The following RAI14 variants were observed in gnomAD, a reference collection of about 807,000 sequenced individuals.
RAI14 encodes the protein retinoic acid induced 14, also known as ankycorbin.
Under a neutral mutation model 115.4 loss-of-function variants are expected in RAI14, and 45 were observed. That is an observed-to-expected ratio of 0.39 (90% confidence interval 0.31 to 0.50). The LOEUF is 0.50. RAI14 is among the 20% of genes least tolerant of loss of function. The pLI is 0.85. For missense variants in RAI14, 939 were observed against 1,131.2 expected (o/e 0.83, Z 2.44); for synonymous variants, 371 against 415.4 (o/e 0.89, Z 1.30).
At position 34,812,267 on chromosome 5, in the gene RAI14, G is replaced by A. The variant is rs1580341491; in HGVS notation, c.765+59G>A. 3.4e-6 allele frequency: 5 copies of A among 1,463,978 alleles called. No individual in the cohort carries two copies. In the East Asian group the frequency reaches 1.1e-4, roughly 33 times the overall value. 90.7% of individuals were successfully genotyped at this position (1,463,978 alleles called of 1,614,324 possible). A position where few individuals can be genotyped will look rare whatever the true frequency, so the allele number is the denominator to read the frequency against. ...TTTATGCTTGTGGGAATTTAAAAATGTTCAGATTTAACCACTCTGGTCCAC... is the reference window on the plus strand; with the variant it reads ...TTTATGCTTGTGGGAATTTAAAAATATTCAGATTTAACCACTCTGGTCCAC... On this transcript the variant is annotated intron_variant, in intron 10 of 17. Transcript: ENST00000265109.
chr5:34,788,431 C>T (rs1752565440), intron 3 of RAI14, among the ~76,000 whole-genome samples: 1 of 152,084 alleles, frequency 6.6e-6, no homozygotes, highest in African/African-American at 2.4e-5. Flanking sequence ...CAGTTGAAAC[C>T]ATTGGTTCTC....
intron 2 of RAI14, among the ~76,000 whole-genome samples, chr5:34,702,498 G>C (rs1034847193): frequency 1.3e-5 from 2 of 152,104 alleles, no homozygotes; most frequent in East Asian, 3.9e-4. Context: ...GCAAGTGAGC[G>C]GGGGAAGAAA....
At chr5:34,752,026 A>G (rs73074515) in intron 2 of RAI14, among the ~76,000 whole-genome samples, 1 of 152,158 alleles carries the variant, frequency 6.6e-6, no homozygotes, top group East Asian at 1.9e-4. Flanking sequence ...AGTCTGCTAG[A>G]TGGGGCTTGG....
intron 3 of RAI14, among the ~76,000 whole-genome samples, chr5:34,769,557 A>G (rs978205449): frequency 6.6e-6 from 1 of 152,182 alleles, no homozygotes; most frequent in African/African-American, 2.4e-5. Context: ...AATGAGTGCC[A>G]TAGAACACTT....
At chr5:34,825,573 C>T (rs1757350774) in intron 15 of RAI14, among the ~76,000 whole-genome samples, 2 of 152,114 alleles carry the variant, frequency 1.3e-5, no homozygotes, top group African/African-American at 2.4e-5. Context: ...CCGGTCCCTC[C>T]TTTGACAGGT....
rs762510642 is a variant in RAI14 at position 34,811,134 on chromosome 5, G to A, written c.557+16G>A. 6.2e-7 allele frequency: 1 copy of A among 1,612,372 alleles called. No individual in the cohort carries two copies. The highest frequency in any genetic ancestry group is 8.5e-7 in the Non-Finnish European group (1 of 1,178,918). ...AAAGTGGAAGGTACTCCAGAATTAG[G>A]CAGAAATCATGTGACTTCAGTGATA... On this transcript the variant is annotated intron_variant, in intron 8 of 17. Coordinates refer to ENST00000265109, the MANE Select transcript of RAI14 (RefSeq NM_015577.3).
At chr5:34,709,474 A>G (rs1387194693) in intron 2 of RAI14, among the ~76,000 whole-genome samples, 1 of 152,196 alleles carries the variant, frequency 6.6e-6, no homozygotes, top group Non-Finnish European at 1.5e-5. Flanking sequence ...ATCAGTTTTT[A>G]AAGTAAACTT....
At chr5:34,818,651 T>C (rs1756513240) in intron 12 of RAI14, 146 bp from the exon 13 acceptor site, 1 of 560,980 alleles carries the variant, frequency 1.8e-6, no homozygotes, top group Non-Finnish European at 3.1e-6. Flanking sequence ...TTAAAATATC[T>C]TCTTTCTTCG....
intron 12 of RAI14, 32 bp downstream of exon 12, chr5:34,814,701 G>A (rs185506205): frequency 1.3e-6 from 2 of 1,495,640 alleles, no homozygotes; most frequent in South Asian, 1.1e-5. Flanking sequence ...TTTTGTTACT[G>A]TATTTTAAGA....
In RAI14 at chr5:34,686,089, G is replaced by A. The variant is rs78154511; in HGVS notation, c.-48-783G>A. On this transcript the variant is annotated intron_variant, in intron 1 of 17. Coordinates refer to ENST00000265109, the MANE Select transcript of RAI14 (RefSeq NM_015577.3). Reference sequence around the variant, plus strand: ...TGAGAAAAATAAATAGGGAATGAGTGGCATCTGGAATATGAACTGTTTTCC... The same window carrying A: ...TGAGAAAAATAAATAGGGAATGAGTAGCATCTGGAATATGAACTGTTTTCC... Among the ~76,000 whole-genome samples the A allele has an allele frequency of 7.6e-3, 1,163 of 152,226 alleles. 22 individuals carry two copies. Among genetic ancestry groups the A allele is most frequent in the African/African-American group, 0.027 (1,108 of 41,516 alleles).
intron 2 of RAI14, among the ~76,000 whole-genome samples, chr5:34,726,668 GCAGATTTT>G (rs992276209): frequency 6.6e-6 from 1 of 152,138 alleles, no homozygotes; most frequent in Non-Finnish European, 1.5e-5. Flanking sequence ...AATCATAAGG[GCAGATTTT>G]TCCCGTGCTG....
Position 34,831,306 on chromosome 5 carries a change from G to A in RAI14, c.*541G>A, listed in dbSNP as rs1461572318. On this transcript the variant is annotated 3_prime_UTR_variant, in exon 18 of 18. Transcript: ENST00000265109. The stretch of plus-strand genomic sequence containing the variant: ...GTGGATTTAAAAACTCTAATTCCAT[G>A]TTTTCTTCCCATCTGCCTTATATAT... The A allele has an allele frequency of 6.5e-6, 1 of 152,836 alleles. No homozygotes were observed. The highest frequency in any genetic ancestry group is 1.5e-5 in the Non-Finnish European group (1 of 68,238). 9.5% of individuals were successfully genotyped at this position (152,836 alleles called of 1,614,324 possible). A position where few individuals can be genotyped will look rare whatever the true frequency, so the allele number is the denominator to read the frequency against.
chr5:34,702,223 G>C (rs1244650121), intron 2 of RAI14, among the ~76,000 whole-genome samples: 2 of 152,196 alleles, frequency 1.3e-5, no homozygotes, highest in African/African-American at 2.4e-5. Flanking sequence ...CCTCCTCCTA[G>C]CTAGGGAAGA....
At chr5:34,771,271 G>A (rs866005888) in intron 3 of RAI14, among the ~76,000 whole-genome samples, 7 of 152,184 alleles carry the variant, frequency 4.6e-5, no homozygotes, top group South Asian at 2.1e-4. Flanking sequence ...TGGTAGGGTC[G>A]TGTATGGTCA....
chr5:34,769,380 C>A (rs1311315170), intron 3 of RAI14, among the ~76,000 whole-genome samples: 1 of 152,278 alleles, frequency 6.6e-6, no homozygotes. Context: ...TTTTTCAAGG[C>A]TTTTATAACT....
intron 3 of RAI14, among the ~76,000 whole-genome samples, chr5:34,779,310 C>A (rs918206327): frequency 6.6e-6 from 1 of 152,104 alleles, no homozygotes; most frequent in African/African-American, 2.4e-5. Context: ...TGAAAACTGG[C>A]ACAAGACAGG....
intron 15 of RAI14, 107 bp from the exon 16 acceptor site, chr5:34,826,223 A>G (rs1384314576): frequency 1.9e-6 from 2 of 1,035,192 alleles, no homozygotes; most frequent in Admixed American, 2.6e-5. Flanking sequence ...CAAAGTCTTA[A>G]GTCCCAGAGG....
At chr5:34,722,624 T>A (rs763365943) in intron 2 of RAI14, among the ~76,000 whole-genome samples, 11 of 152,076 alleles carry the variant, frequency 7.2e-5, no homozygotes, top group Non-Finnish European at 1.6e-4. Context: ...GGCGGGCAGA[T>A]CATTGGAGGT....
Position 34,665,099 on chromosome 5 carries a change from ATATGTG to A in RAI14, c.-49+8628_-49+8633del, listed in dbSNP as rs1376800723. On this transcript the variant is annotated intron_variant, in intron 1 of 17. Coordinates refer to ENST00000265109, the MANE Select transcript of RAI14 (RefSeq NM_015577.3). ...TATATGTGTATATATATGTGTATATATATGTGTATATATATGTGTATATATGTATGT... is the reference window on the plus strand; with the variant it reads ...TATATGTGTATATATATGTGTATATATATATATATGTGTATATATGTATGT... Among the ~76,000 whole-genome samples the A allele has an allele frequency of 1.2e-4, 5 of 42,488 alleles. 1 individual carries two copies. Among genetic ancestry groups the A allele is most frequent in the African/African-American group, 3.5e-4 (5 of 14,162 alleles). 27.9% of individuals were successfully genotyped at this position (42,488 alleles called of 152,430 possible). A position where few individuals can be genotyped will look rare whatever the true frequency, so the allele number is the denominator to read the frequency against.
Sources: allele counts gnomAD v4.1 joint callset (sites outside exome capture counted in the v4.1 genomes callset), GRCh38; gene constraint gnomAD v4.1.1; transcripts MANE v1.5; gene names NCBI Gene and HGNC (gene_info 2026-07-23, HGNC 2026-07-21).